The following CSNK2A1 variants were observed in gnomAD, a reference collection of about 807,000 sequenced individuals.
CSNK2A1 encodes casein kinase 2 alpha 1, also known as casein kinase II subunit alpha.
A neutral mutation model predicts 62.9 loss-of-function variants in CSNK2A1; 10 were observed. That is an observed-to-expected ratio of 0.16 (90% CI 0.10 to 0.27). The LOEUF is 0.27. Ranked by LOEUF, CSNK2A1 falls within the 10% of genes least tolerant of loss-of-function variation. The pLI is 1.00. For synonymous variants in CSNK2A1, 124 were observed against 167.8 expected, an observed-to-expected ratio of 0.74 and a Z score of 2.02; for missense variants, 160 against 492.0, an observed-to-expected ratio of 0.33 and a Z score of 6.38.
chr20:495,550 A>C (rs2018328662), intron 8 of CSNK2A1, 169 bp downstream of exon 8: 3 of 550,650 alleles, frequency 5.4e-6, no homozygotes, highest in Middle Eastern at 9.3e-4. Context: ...TAGGAATATA[A>C]ATAATGGTTC....
At chr20:489,911 CTG>C in intron 9 of CSNK2A1, 30 bp from the exon 10 acceptor site, 1 of 1,537,722 alleles carries the variant, frequency 6.5e-7, no homozygotes, top group Non-Finnish European at 8.8e-7. Context: ...CTGTTATTAT[CTG>C]TGAATCCTCA....
rs2017842291 is a variant in CSNK2A1 at position 476,016 on chromosome 20, A to G, written c.*7945T>C. On this transcript the variant is annotated 3_prime_UTR_variant, in exon 14 of 14. Transcript: ENST00000217244. Reference sequence around the variant, plus strand: ...ACTAGACAGAGAACAAAAGCAAAAGAAAGAAAAAATTTGTCTGCAATGACT... The same window carrying G: ...ACTAGACAGAGAACAAAAGCAAAAGGAAGAAAAAATTTGTCTGCAATGACT... 3 of 152,402 alleles carry G rather than the reference A, an allele frequency of 2.0e-5. No homozygotes were observed. In the South Asian group the frequency reaches 6.2e-4, roughly 32 times the overall value. The allele number at this position is 152,402 out of a possible 1,614,324, so 9.4% of individuals were successfully genotyped here.
chr20:495,576 T>C (rs2058599743), intron 8 of CSNK2A1, 143 bp downstream of exon 8: 4 of 628,460 alleles, frequency 6.4e-6, no homozygotes, highest in South Asian at 6.0e-5. Context: ...TGTTGACTTG[T>C]AAATTCGTAC....
In CSNK2A1 at chr20:524,147, G is replaced by C. The variant is rs2019015008; in HGVS notation, c.-110+3786C>G. On this transcript the variant is annotated intron_variant, in intron 2 of 13. Transcript: ENST00000217244. ...GTCTAAAAGAGATACATCTAGGCCGGGTGCAGCTGCTCACGCCTGTAATCC... is the reference window on the plus strand; with the variant it reads ...GTCTAAAAGAGATACATCTAGGCCGCGTGCAGCTGCTCACGCCTGTAATCC... Among the ~76,000 whole-genome samples the C allele has an allele frequency of 1.3e-5, 2 of 151,922 alleles. 1 individual carries two copies. The highest frequency in any genetic ancestry group is 4.2e-4 in the South Asian group (2 of 4,806).
At chr20:534,902 C>T (rs573015756) in intron 1 of CSNK2A1, among the ~76,000 whole-genome samples, 3 of 150,502 alleles carry the variant, frequency 2.0e-5, no homozygotes, top group Non-Finnish European at 3.0e-5. Context: ...GGCGTGGCAG[C>T]GTGCGCCTGT....
chr20:499,741 G>A lies in CSNK2A1; in HGVS notation c.315+92C>T. ...TTTCAAAGCAGGACTTAATGATGAG[G>A]GTTGGGGGAGGGAACAAAAAGAGGC... On this transcript the variant is annotated intron_variant, in intron 5 of 13. Transcript: ENST00000217244. The surrounding 1 kb of genome is among the most constrained non-coding windows in gnomAD (Gnocchi z 4.2). The A allele has an allele frequency of 8.6e-7, 1 of 1,164,792 alleles. No individual in the cohort carries two copies. The highest frequency in any genetic ancestry group is 2.3e-5 in the East Asian group (1 of 42,792). 72.2% of individuals were successfully genotyped at this position (1,164,792 alleles called of 1,614,324 possible).
rs1248174416 is a variant in CSNK2A1, at chr20:483,790, A to G, written c.*171T>C. The G allele has an allele frequency of 1.2e-5, 5 of 433,004 alleles. No homozygotes were observed. The highest frequency in any genetic ancestry group is 1.9e-5 in the Non-Finnish European group (5 of 256,482). 26.8% of individuals were successfully genotyped at this position (433,004 alleles called of 1,614,324 possible). ...GTTAAAAAAAAAAAGAAAAAAGAAAATCAGCCTATTATAATTTTTTTTTTA... is the reference window on the plus strand; with the variant it reads ...GTTAAAAAAAAAAAGAAAAAAGAAAGTCAGCCTATTATAATTTTTTTTTTA... On this transcript the variant is annotated 3_prime_UTR_variant, in exon 14 of 14. Coordinates refer to ENST00000217244, the MANE Select transcript of CSNK2A1 (RefSeq NM_177559.3).
At chr20:521,849 A>T (rs1600403550) in intron 2 of CSNK2A1, among the ~76,000 whole-genome samples, 2 of 152,188 alleles carry the variant, frequency 1.3e-5, no homozygotes, top group South Asian at 4.1e-4. Context: ...TCAGTCTCCC[A>T]AAGTGCTAGG....
chr20:515,562 T>G (rs2018812579), intron 2 of CSNK2A1, among the ~76,000 whole-genome samples: 1 of 152,086 alleles, frequency 6.6e-6, no homozygotes, highest in Non-Finnish European at 1.5e-5. Context: ...AGACAGTGAG[T>G]TGGCCTCCAA....
chr20:530,006 CA>C (rs2019180426), intron 1 of CSNK2A1, among the ~76,000 whole-genome samples: 1 of 152,098 alleles, frequency 6.6e-6, no homozygotes. Context: ...ATCCATGTAA[CA>C]TAAAACTCAT....
Position 508,559 on chromosome 20 carries a change from A to C in CSNK2A1, c.-8T>G. 1.2e-6 allele frequency: 2 copies of C among 1,610,728 alleles called. No homozygotes were observed. Among genetic ancestry groups the C allele is most frequent in the Non-Finnish European group, 1.7e-6 (2 of 1,177,804 alleles). ...TGGCACGGGTCCCGACATGTCAGAC[A>C]GGTTGGCGGACAAAGCTGGACTTGA... On this transcript the variant is annotated 5_prime_UTR_variant, in exon 3 of 14. Coordinates refer to ENST00000217244, the MANE Select transcript of CSNK2A1 (RefSeq NM_177559.3).
chr20:528,449 G>A lies in CSNK2A1; in HGVS notation c.-226-400C>T, dbSNP rs146323956. On this transcript the variant is annotated intron_variant, in intron 1 of 13. Transcript: ENST00000217244. The stretch of plus-strand genomic sequence containing the variant: ...CTGATTCTTGGGATTTATCATTTTT[G>A]TGTGTGTAACAGGGTCTTGCTCTGT... Among the ~76,000 whole-genome samples, 1,038 of 152,214 alleles carry A rather than the reference G, an allele frequency of 6.8e-3. 7 individuals carry two copies. Among genetic ancestry groups the A allele is most frequent in the African/African-American group, 0.016 (650 of 41,528 alleles).
chr20:528,842 T>C (rs2019152351), intron 1 of CSNK2A1, among the ~76,000 whole-genome samples: 1 of 152,174 alleles, frequency 6.6e-6, no homozygotes, highest in Non-Finnish European at 1.5e-5. Flanking sequence ...CTGCATAACC[T>C]TCCCAATGTC....
rs2017883274 is a variant in CSNK2A1, at chr20:478,039, G to C, written c.*5922C>G. The C allele has an allele frequency of 6.6e-6, 1 of 151,740 alleles. No homozygotes were observed. Among genetic ancestry groups the C allele is most frequent in the Non-Finnish European group, 1.5e-5 (1 of 67,988 alleles). 9.4% of individuals were successfully genotyped at this position (151,740 alleles called of 1,614,324 possible). A position where few individuals can be genotyped will look rare whatever the true frequency, so the allele number is the denominator to read the frequency against. ...TAGGATTTTTTTTTTAAAACAGTTGGAATTATCCCATATACACAATTTTTT... is the reference window on the plus strand; with the variant it reads ...TAGGATTTTTTTTTTAAAACAGTTGCAATTATCCCATATACACAATTTTTT... On this transcript the variant is annotated 3_prime_UTR_variant, in exon 14 of 14. Coordinates refer to ENST00000217244, the MANE Select transcript of CSNK2A1 (RefSeq NM_177559.3).
intron 4 of CSNK2A1, 75 bp downstream of exon 4, chr20:505,031 CTTTTAAATGCTG>C: frequency 8.5e-7 from 1 of 1,176,852 alleles, no homozygotes; most frequent in Non-Finnish European, 1.2e-6. Context: ...CACCAAAAAC[CTTTTAAATGCTG>C]TTTTAAAAAA....
chr20:521,138 G>C (rs1340491738), intron 2 of CSNK2A1, among the ~76,000 whole-genome samples: 1 of 152,064 alleles, frequency 6.6e-6, no homozygotes, highest in Admixed American at 6.5e-5. Context: ...ACACTATTAA[G>C]AAAATAAGCC....
rs2017895125 is a variant in CSNK2A1 at position 478,612 on chromosome 20, GCTT to G, written c.*5346_*5348del. 5 of 420,828 alleles carry G rather than the reference GCTT, an allele frequency of 1.2e-5. No individual in the cohort carries two copies. The highest frequency in any genetic ancestry group is 8.3e-5 in the South Asian group (5 of 60,392). 26.1% of individuals were successfully genotyped at this position (420,828 alleles called of 1,614,324 possible). The stretch of plus-strand genomic sequence containing the variant: ...TCCATCTGGAGGTACCTGGGGAAGG[GCTT>G]CTCACATTGAGGCCAATAAGAATCC... On this transcript the variant is annotated 3_prime_UTR_variant, in exon 14 of 14. Coordinates refer to ENST00000217244, the MANE Select transcript of CSNK2A1 (RefSeq NM_177559.3).
Position 479,185 on chromosome 20 carries a change from A to C in CSNK2A1, c.*4776T>G, listed in dbSNP as rs1415083969. ...AGTCAGAAATTTTCCAAATGCAAACATCTATGGCCTCCCTATAATGTAGCA... is the reference window on the plus strand; with the variant it reads ...AGTCAGAAATTTTCCAAATGCAAACCTCTATGGCCTCCCTATAATGTAGCA... On this transcript the variant is annotated 3_prime_UTR_variant, in exon 14 of 14. Coordinates refer to ENST00000217244, the MANE Select transcript of CSNK2A1 (RefSeq NM_177559.3). The C allele has an allele frequency of 6.6e-6, 1 of 152,444 alleles. No homozygotes were observed. The highest frequency in any genetic ancestry group is 1.5e-5 in the Non-Finnish European group (1 of 68,200). 9.4% of individuals were successfully genotyped at this position (152,444 alleles called of 1,614,324 possible).
At chr20:529,188 C>T (rs1037547703) in intron 1 of CSNK2A1, among the ~76,000 whole-genome samples, 32 of 130,642 alleles carry the variant, frequency 2.4e-4, no homozygotes, top group Middle Eastern at 4.1e-3. Flanking sequence ...CCACTCCTGG[C>T]TATTTTTTTT....
Sources: gnomAD v4.1 joint callset for allele counts (sites outside exome capture counted in the v4.1 genomes callset) on GRCh38, gnomAD v4.1.1 for gene constraint, Gnocchi (gnomAD v3.1) non-coding constraint, MANE v1.5 for transcripts, NCBI Gene and HGNC (gene_info 2026-07-23, HGNC 2026-07-21) for gene names.